The following ACTL6B variants were observed in gnomAD, a reference collection of about 807,000 sequenced individuals.
ACTL6B encodes actin-like protein 6B.
Under a neutral mutation model 63.3 loss-of-function variants are expected in ACTL6B, and 48 were observed. That is an observed-to-expected ratio of 0.76 (90% CI 0.60 to 0.96). ACTL6B has a LOEUF of 0.96. Ranked by LOEUF, ACTL6B falls within the 50% of genes least tolerant of loss-of-function variation. ACTL6B has a pLI of 0.00. For missense variants in ACTL6B, 350 were observed against 572.2 expected (o/e 0.61, Z 3.96); for synonymous variants, 230 against 223.8 (o/e 1.03, Z -0.25).
At chr7:100,654,696 C>G (rs1048739775) in intron 4 of ACTL6B, among the ~76,000 whole-genome samples, 1 of 151,480 alleles carries the variant, frequency 6.6e-6, no homozygotes, top group Non-Finnish European at 1.5e-5. Flanking sequence ...GCAGGAGATT[C>G]CTTTGATGTC....
In ACTL6B at chr7:100,650,147, G is replaced by A; in HGVS notation, c.370-12C>T. On this transcript the variant is annotated splice_polypyrimidine_tract_variant and intron_variant, in intron 4 of 13. Coordinates refer to ENST00000160382, the MANE Select transcript of ACTL6B (RefSeq NM_016188.5). ...GCCCGTGTGTTCCACTGTGGAGAAA[G>A]TGCAGAGGGGGAGGATTCAGGAAGG... The A allele has an allele frequency of 6.2e-7, 1 of 1,613,006 alleles. No homozygotes were observed. The highest frequency in any genetic ancestry group is 8.5e-7 in the Non-Finnish European group (1 of 1,179,490).
intron 4 of ACTL6B, among the ~76,000 whole-genome samples, chr7:100,654,431 C>CAAT (rs1562850776): frequency 0.019 from 1,958 of 103,306 alleles, 12 homozygotes; most frequent in African/African-American, 0.037. Flanking sequence ...CCAAAGTTGA[C>CAAT]CATAATAATA....
In ACTL6B at chr7:100,648,677, C is replaced by T. The variant is rs888152957; in HGVS notation, c.563-15G>A. On this transcript the variant is annotated splice_polypyrimidine_tract_variant and intron_variant, in intron 6 of 13. Coordinates refer to ENST00000160382, the MANE Select transcript of ACTL6B (RefSeq NM_016188.5). This position sits in a 1 kb window ranked among gnomAD's most constrained non-coding sequence, Gnocchi z 4.4. ...CTTGACGATGCCTAGAAGGAAGGCACTGTCAGGACCTGGTCCTCCTGGAGC... is the reference window on the plus strand; with the variant it reads ...CTTGACGATGCCTAGAAGGAAGGCATTGTCAGGACCTGGTCCTCCTGGAGC... The T allele has an allele frequency of 1.2e-6, 2 of 1,612,024 alleles. No homozygotes were observed. The highest frequency in any genetic ancestry group is 1.7e-5 in the Admixed American group (1 of 59,702).
At chr7:100,643,454 TC>T in intron 13 of ACTL6B, 128 bp from the exon 14 acceptor site, 1 of 801,274 alleles carries the variant, frequency 1.2e-6, no homozygotes, top group Non-Finnish European at 2.1e-6. Flanking sequence ...CTGAAGCCCC[TC>T]CCCACCTCAT....
rs539802110 is a variant in ACTL6B at position 100,648,217 on chromosome 7, C to T, written c.669+339G>A. 26 of 183,064 alleles carry T rather than the reference C, an allele frequency of 1.4e-4. No individual in the cohort carries two copies. The highest frequency in any genetic ancestry group is 2.4e-4 in the Admixed American group (4 of 16,770). The allele number at this position is 183,064 out of a possible 1,614,324, so 11.3% of individuals were successfully genotyped here. A position where few individuals can be genotyped will look rare whatever the true frequency, so the allele number is the denominator to read the frequency against. On this transcript the variant is annotated intron_variant, in intron 7 of 13. Coordinates refer to ENST00000160382, the MANE Select transcript of ACTL6B (RefSeq NM_016188.5). This position sits in a 1 kb window ranked among gnomAD's most constrained non-coding sequence, Gnocchi z 4.4. ...AAGCGATCTGCCTGCCTCAGCCTCC[C>T]GAAGTGCTGGGATTACAGGTGTGAG...
chr7:100,656,278 C>A, intron 1 of ACTL6B, 52 bp downstream of exon 1: 1 of 1,372,822 alleles, frequency 7.3e-7, no homozygotes, highest in Non-Finnish European at 9.4e-7. Context: ...GGATGGATGG[C>A]GCGGGTTTGG....
In ACTL6B at chr7:100,643,125, T is replaced by C; in HGVS notation, c.*121A>G. 8.8e-7 allele frequency: 1 copy of C among 1,132,192 alleles called. No individual in the cohort carries two copies. Among genetic ancestry groups the C allele is most frequent in the Non-Finnish European group, 1.3e-6 (1 of 773,690 alleles). The allele number at this position is 1,132,192 out of a possible 1,614,324, so 70.1% of individuals were successfully genotyped here. ...TTTTTCTTAAAACATTTTTACTTCT[T>C]TCAACCCAGAAACATCACCATTAAT... On this transcript the variant is annotated 3_prime_UTR_variant, in exon 14 of 14. Coordinates refer to ENST00000160382, the MANE Select transcript of ACTL6B (RefSeq NM_016188.5).
chr7:100,647,819 G>T lies in ACTL6B; in HGVS notation c.670-286C>A, dbSNP rs1803852557. The T allele has an allele frequency of 4.8e-6, 2 of 419,018 alleles. No individual in the cohort carries two copies. The highest frequency in any genetic ancestry group is 8.5e-6 in the Non-Finnish European group (2 of 234,524). 26.0% of individuals were successfully genotyped at this position (419,018 alleles called of 1,614,324 possible). A position where few individuals can be genotyped will look rare whatever the true frequency, so the allele number is the denominator to read the frequency against. On this transcript the variant is annotated intron_variant, in intron 7 of 13. Transcript: ENST00000160382. The surrounding 1 kb of genome is among the most constrained non-coding windows in gnomAD (Gnocchi z 4.4). Reference sequence around the variant, plus strand: ...GGCCTCCTAGGGGGTCATGATCCATGTGAGGGCACGGAATGGAGCTAAGCA... The same window carrying T: ...GGCCTCCTAGGGGGTCATGATCCATTTGAGGGCACGGAATGGAGCTAAGCA...
intron 4 of ACTL6B, 32 bp from the exon 5 acceptor site, chr7:100,650,167 G>T: frequency 6.2e-7 from 1 of 1,601,570 alleles, no homozygotes; most frequent in East Asian, 2.2e-5. Context: ...GGAGGATTCA[G>T]GAAGGGAGAG....
chr7:100,649,928 C>T (rs1478479371), intron 5 of ACTL6B, 110 bp downstream of exon 5: 2 of 945,956 alleles, frequency 2.1e-6, no homozygotes, highest in Non-Finnish European at 3.3e-6. Context: ...CCCATTGGGA[C>T]ACTGATCTTC....
At chr7:100,652,119 C>A (rs1803950236) in intron 4 of ACTL6B, among the ~76,000 whole-genome samples, 1 of 151,966 alleles carries the variant, frequency 6.6e-6, no homozygotes, top group South Asian at 2.1e-4. Flanking sequence ...TGATGAGAGG[C>A]CAGGTGTGGT....
At chr7:100,649,946 C>G in intron 5 of ACTL6B, 92 bp downstream of exon 5, 1 of 1,180,498 alleles carries the variant, frequency 8.5e-7, no homozygotes, top group Non-Finnish European at 1.2e-6. Context: ...TTCAGAGAAC[C>G]AGGCCTGACC....
At chr7:100,645,048 T>C (rs553000266) in intron 13 of ACTL6B, among the ~76,000 whole-genome samples, 2 of 152,056 alleles carry the variant, frequency 1.3e-5, no homozygotes, top group East Asian at 3.9e-4. Context: ...AGTGAGACTG[T>C]CTCGAAAACA....
chr7:100,654,996 A>C, intron 4 of ACTL6B, 23 bp downstream of exon 4: 2 of 1,594,766 alleles, frequency 1.3e-6, no homozygotes, highest in Non-Finnish European at 1.7e-6. Flanking sequence ...AGGGTTGGAC[A>C]TGAGGATGGA....
At position 100,647,309 on chromosome 7, in the gene ACTL6B, G is replaced by T; in HGVS notation, c.760-25C>A. The T allele has an allele frequency of 6.2e-7, 1 of 1,612,620 alleles. No homozygotes were observed. Among genetic ancestry groups the T allele is most frequent in the Non-Finnish European group, 8.5e-7 (1 of 1,179,602 alleles). Reference sequence around the variant, plus strand: ...CCTGAAATCCCAGCGGAGGTGGTGAGGGCCTGCCTTCCCCGTGAGCAGCAC... The same window carrying T: ...CCTGAAATCCCAGCGGAGGTGGTGATGGCCTGCCTTCCCCGTGAGCAGCAC... On this transcript the variant is annotated intron_variant, in intron 8 of 13. Transcript: ENST00000160382. The surrounding 1 kb of genome is among the most constrained non-coding windows in gnomAD (Gnocchi z 4.4).
At chr7:100,653,585 G>A (rs748767558) in intron 4 of ACTL6B, among the ~76,000 whole-genome samples, 1 of 152,096 alleles carries the variant, frequency 6.6e-6, no homozygotes, top group Non-Finnish European at 1.5e-5. Flanking sequence ...AGGAGACCAA[G>A]GCTGAAGAAT....
At chr7:100,650,527 A>G (rs1803922640) in intron 4 of ACTL6B, among the ~76,000 whole-genome samples, 1 of 152,190 alleles carries the variant, frequency 6.6e-6, no homozygotes, top group Non-Finnish European at 1.5e-5. Flanking sequence ...TCACAGTCAC[A>G]CACACATGCA....
chr7:100,649,863 G>A (rs909985385), intron 5 of ACTL6B, 175 bp downstream of exon 5: 14 of 579,520 alleles, frequency 2.4e-5, no homozygotes, highest in Admixed American at 5.8e-5. Flanking sequence ...CCCCAGAGTC[G>A]GAGGTGCTCA....
Position 100,646,541 on chromosome 7 carries a change from G to A in ACTL6B, c.1113+10C>T. The A allele has an allele frequency of 1.9e-6, 3 of 1,613,772 alleles. No individual in the cohort carries two copies. Among genetic ancestry groups the A allele is most frequent in the Non-Finnish European group, 2.5e-6 (3 of 1,179,788 alleles). On this transcript the variant is annotated intron_variant, in intron 12 of 13. Coordinates refer to ENST00000160382, the MANE Select transcript of ACTL6B (RefSeq NM_016188.5). The surrounding 1 kb of genome is among the most constrained non-coding windows in gnomAD (Gnocchi z 6.1). Reference sequence around the variant, plus strand: ...GTGTCCAGGGCTCTGGGTCAGGGGTGGGCTCCTACCGGTGGGGTCTTCTGG... The same window carrying A: ...GTGTCCAGGGCTCTGGGTCAGGGGTAGGCTCCTACCGGTGGGGTCTTCTGG...
Sources: allele counts gnomAD v4.1 joint callset (sites outside exome capture counted in the v4.1 genomes callset), GRCh38; gene constraint gnomAD v4.1.1; non-coding constraint Gnocchi (gnomAD v3.1); transcripts MANE v1.5; gene names NCBI Gene and HGNC (gene_info 2026-07-23, HGNC 2026-07-21).